Variants in DLGAP2 observed in about 807,000 individuals in gnomAD.
DLGAP2 encodes the protein DLG associated protein 2.
In DLGAP2, 26 loss-of-function variants were observed where a neutral mutation model predicts 100.3. The observed-to-expected ratio is 0.26, with a 90% CI of 0.19 to 0.36. DLGAP2 has a LOEUF of 0.36. DLGAP2 is among the 10% of genes least tolerant of loss of function. The pLI, the probability that DLGAP2 is intolerant of heterozygous loss-of-function variation, is 1.00. For missense variants in DLGAP2, 1,858 were observed against 1,453.2 expected (o/e 1.28, Z -4.53); for synonymous variants, 886 against 630.1 (o/e 1.41, Z -6.08).
intron 2 of DLGAP2, among the ~76,000 whole-genome samples, chr8:1,217,655 C>A (rs1357065137): frequency 2.6e-5 from 4 of 152,052 alleles, no homozygotes; most frequent in African/African-American, 9.7e-5. Flanking sequence ...ATTTTAACCT[C>A]CCTGGTTAGC....
intron 3 of DLGAP2, among the ~76,000 whole-genome samples, chr8:1,334,453 G>A (rs566345702): frequency 2.0e-5 from 3 of 152,290 alleles, no homozygotes; most frequent in Admixed American, 6.5e-5. Flanking sequence ...CTGTGGGAAC[G>A]TGCTGTGGAT....
intron 1 of DLGAP2, among the ~76,000 whole-genome samples, chr8:855,094 T>A (rs553933596): frequency 1.8e-4 from 27 of 152,240 alleles, no homozygotes; most frequent in African/African-American, 6.0e-4. Flanking sequence ...AGCAGGTCCT[T>A]GAGTCTGGGA....
chr8:1,335,695 A>G (rs1194158468), intron 3 of DLGAP2, among the ~76,000 whole-genome samples: 2 of 152,128 alleles, frequency 1.3e-5, no homozygotes, highest in East Asian at 3.9e-4. Flanking sequence ...AAGAACACAT[A>G]TTGTCTGTGC....
Position 1,034,457 on chromosome 8 carries a change from C to A in DLGAP2, c.73+126491C>A, listed in dbSNP as rs56175330. Among the ~76,000 whole-genome samples, 5 of 20,784 alleles carry A rather than the reference C, an allele frequency of 2.4e-4. 1 individual carries two copies. Among genetic ancestry groups the A allele is most frequent in the East Asian group, 1.2e-3 (1 of 824 alleles). The allele number at this position is 20,784 out of a possible 152,430, so 13.6% of individuals were successfully genotyped here. Reference sequence around the variant, plus strand: ...TGGATTCACACGCTCATCCCAACCCCGCGTGTCACCACGAGTGGGTTCACA... The same window carrying A: ...TGGATTCACACGCTCATCCCAACCCAGCGTGTCACCACGAGTGGGTTCACA... On this transcript the variant is annotated intron_variant, in intron 2 of 14. Coordinates refer to ENST00000637795, the MANE Select transcript of DLGAP2 (RefSeq NM_001346810.2).
At chr8:1,334,488 C>G (rs1801227089) in intron 3 of DLGAP2, among the ~76,000 whole-genome samples, 1 of 152,186 alleles carries the variant, frequency 6.6e-6, no homozygotes, top group South Asian at 2.1e-4. Context: ...TTTCGTTCCA[C>G]TAAATCTTCT....
intron 2 of DLGAP2, among the ~76,000 whole-genome samples, chr8:1,068,763 T>C (rs1329438651): frequency 1.3e-5 from 2 of 149,090 alleles, no homozygotes; most frequent in Non-Finnish European, 2.9e-5. Flanking sequence ...CCTGGGGTCA[T>C]GGGCCCCTCC....
chr8:1,313,171 G>T (rs185979090), intron 3 of DLGAP2, among the ~76,000 whole-genome samples: 7 of 152,154 alleles, frequency 4.6e-5, no homozygotes, highest in Non-Finnish European at 7.4e-5. Flanking sequence ...GAACATCACT[G>T]TAAAACAAAA....
intron 2 of DLGAP2, among the ~76,000 whole-genome samples, chr8:1,110,226 G>C (rs1341872097): frequency 8.8e-6 from 1 of 114,050 alleles, no homozygotes; most frequent in African/African-American, 3.4e-5. Context: ...GCATGGGTCT[G>C]TGACGTGTGC....
At chr8:1,348,850 G>A (rs892885757) in intron 3 of DLGAP2, among the ~76,000 whole-genome samples, 1 of 152,218 alleles carries the variant, frequency 6.6e-6, no homozygotes, top group African/African-American at 2.4e-5. Flanking sequence ...CACGTTGGCT[G>A]CTTCCCCATC....
At chr8:1,407,364 C>T (rs1251289135) in intron 3 of DLGAP2, among the ~76,000 whole-genome samples, 1 of 89,178 alleles carries the variant, frequency 1.1e-5, no homozygotes, top group Admixed American at 1.1e-4. Context: ...ACTTACTGAG[C>T]GCTCCCTCCT....
intron 3 of DLGAP2, chr8:1,369,717 C>T (rs35553257): frequency 1.3e-5 from 2 of 152,424 alleles, no homozygotes; most frequent in South Asian, 2.1e-4. Context: ...TTCCAACTTA[C>T]CCTAGCCCTG....
intron 3 of DLGAP2, among the ~76,000 whole-genome samples, chr8:1,494,321 CCT>C (rs2130295391): frequency 6.6e-6 from 1 of 152,364 alleles, no homozygotes; most frequent in East Asian, 1.9e-4. Context: ...ACAACTTCCC[CCT>C]GAGAAGACGC....
At chr8:780,252 T>C (rs904864707) in intron 1 of DLGAP2, among the ~76,000 whole-genome samples, 9 of 152,236 alleles carry the variant, frequency 5.9e-5, no homozygotes, top group Admixed American at 2.0e-4. Context: ...CATCTGTCTT[T>C]ATGTGCCTGG....
chr8:1,314,162 A>G (rs1351940412), intron 3 of DLGAP2, among the ~76,000 whole-genome samples: 1 of 152,270 alleles, frequency 6.6e-6, no homozygotes, highest in African/African-American at 2.4e-5. Context: ...ATGAAACTGT[A>G]TGATGAGAAA....
At chr8:1,575,991 G>A (rs1802958215) in intron 6 of DLGAP2, among the ~76,000 whole-genome samples, 2 of 152,132 alleles carry the variant, frequency 1.3e-5, no homozygotes, top group African/African-American at 4.8e-5. Flanking sequence ...CCAGTAATGG[G>A]ATGGCTGGGT....
intron 3 of DLGAP2, among the ~76,000 whole-genome samples, chr8:1,378,487 C>T (rs936895556): frequency 2.0e-5 from 3 of 151,538 alleles, no homozygotes; most frequent in South Asian, 2.1e-4. Flanking sequence ...CCTGCACACA[C>T]CTGGCCTCAC....
intron 3 of DLGAP2, among the ~76,000 whole-genome samples, chr8:1,375,124 A>T (rs1246934391): frequency 1.4e-5 from 2 of 142,166 alleles, no homozygotes; most frequent in Non-Finnish European, 3.1e-5. Flanking sequence ...ATTTGGGTTA[A>T]CGACACCTCT....
At chr8:740,525 T>G (rs1193148466) in intron 1 of DLGAP2, among the ~76,000 whole-genome samples, 1 of 152,240 alleles carries the variant, frequency 6.6e-6, no homozygotes, top group Non-Finnish European at 1.5e-5. Context: ...GTCTACTTAT[T>G]TCAGTTTTGA....
At chr8:773,594 G>A (rs1360011680) in intron 1 of DLGAP2, among the ~76,000 whole-genome samples, 7 of 149,242 alleles carry the variant, frequency 4.7e-5, no homozygotes, top group South Asian at 2.1e-4. Context: ...GAGAATATGC[G>A]GTGTTTGGTT....
Sources: gnomAD v4.1 joint callset for allele counts (sites outside exome capture counted in the v4.1 genomes callset) on GRCh38, gnomAD v4.1.1 for gene constraint, MANE v1.5 for transcripts, NCBI Gene and HGNC (gene_info 2026-07-23, HGNC 2026-07-21) for gene names.